Variants in KCTD20 observed in about 807,000 individuals in gnomAD.
KCTD20 encodes the protein potassium channel tetramerization domain containing 20.
In KCTD20, 30 loss-of-function variants were observed where a neutral mutation model predicts 39.6. That is an observed-to-expected ratio of 0.76 (90% CI 0.57 to 1.03). KCTD20 has a LOEUF of 1.03. Among genes scored for constraint, KCTD20 ranks in the 50% least tolerant of loss-of-function variants. The pLI is 0.00. For missense variants in KCTD20, 422 were observed against 522.0 expected (o/e 0.81, Z 1.87); for synonymous variants, 162 against 180.6 (o/e 0.90, Z 0.83).
chr6:36,471,032 T>C (rs1775895057), intron 2 of KCTD20, among the ~76,000 whole-genome samples: 1 of 151,904 alleles, frequency 6.6e-6, no homozygotes. Context: ...ATGCCTGTAA[T>C]CTCAGCTACT....
chr6:36,473,066 AT>A (rs147838259), intron 2 of KCTD20, among the ~76,000 whole-genome samples: 8,871 of 140,996 alleles, frequency 0.063, 329 homozygotes, highest in South Asian at 0.14. Context: ...CTTCTGGCTA[AT>A]TTTTTTTTTT....
chr6:36,473,602 C>A (rs1225276589), intron 2 of KCTD20, among the ~76,000 whole-genome samples: 2 of 151,634 alleles, frequency 1.3e-5, no homozygotes, highest in Non-Finnish European at 2.9e-5. Flanking sequence ...GAAACCTTGT[C>A]TCTACTAAAA....
intron 1 of KCTD20, among the ~76,000 whole-genome samples, chr6:36,449,051 A>G (rs1775147724): frequency 6.6e-6 from 1 of 152,180 alleles, no homozygotes; most frequent in African/African-American, 2.4e-5. Context: ...TGCAGACCCA[A>G]AGAATGAGCA....
chr6:36,466,118 G>A (rs1775746339), intron 1 of KCTD20, among the ~76,000 whole-genome samples: 1 of 151,074 alleles, frequency 6.6e-6, no homozygotes, highest in African/African-American at 2.4e-5. Context: ...TGTCACCCAG[G>A]CTGGGGTGCT....
At chr6:36,463,694 T>C (rs1242211351) in intron 1 of KCTD20, among the ~76,000 whole-genome samples, 3 of 152,194 alleles carry the variant, frequency 2.0e-5, no homozygotes, top group South Asian at 2.1e-4. Flanking sequence ...GCCATCATCT[T>C]TGAGGAACAG....
At chr6:36,484,679 A>C (rs1776362819) in intron 6 of KCTD20, 35 bp from the exon 7 acceptor site, 1 of 987,270 alleles carries the variant, frequency 1.0e-6, no homozygotes, top group Non-Finnish European at 1.6e-6. Context: ...TTAGGTCTTT[A>C]CTCCATGGCT....
chr6:36,480,931 G>C (rs1244183367), intron 5 of KCTD20, among the ~76,000 whole-genome samples: 1 of 152,204 alleles, frequency 6.6e-6, no homozygotes, highest in Non-Finnish European at 1.5e-5. Flanking sequence ...TGAAAGATGG[G>C]TGATAACCTC....
rs550520667 is a variant in KCTD20 at position 36,480,410 on chromosome 6, C to CTTTTTTTTTTT, written c.658+712_658+722dup. ...CAGGTTCTCCTGATCATGATATTGC[C>CTTTTTTTTTTT]TTTTTTTTTTTTTTTTTTTTTTTAA... On this transcript the variant is annotated intron_variant, in intron 5 of 7. Coordinates refer to ENST00000373731, the MANE Select transcript of KCTD20 (RefSeq NM_173562.5). Among the ~76,000 whole-genome samples the CTTTTTTTTTTT allele has an allele frequency of 2.5e-5, 3 of 121,770 alleles. No homozygotes were observed. In the Admixed American group the frequency reaches 2.5e-4, roughly 10 times the overall value. The allele number at this position is 121,770 out of a possible 152,430, so 79.9% of individuals were successfully genotyped here.
At chr6:36,462,912 A>G (rs1775642721) in intron 1 of KCTD20, among the ~76,000 whole-genome samples, 1 of 152,198 alleles carries the variant, frequency 6.6e-6, no homozygotes, top group Non-Finnish European at 1.5e-5. Flanking sequence ...AGCTTTGGCT[A>G]CAAGACAGAA....
chr6:36,456,858 C>T (rs993667508), intron 1 of KCTD20, among the ~76,000 whole-genome samples: 4 of 152,022 alleles, frequency 2.6e-5, no homozygotes, highest in African/African-American at 4.8e-5. Context: ...AAAGAGATGG[C>T]GGTCTTGGTG....
At chr6:36,473,735 T>C (rs751081275) in intron 2 of KCTD20, among the ~76,000 whole-genome samples, 1 of 151,746 alleles carries the variant, frequency 6.6e-6, no homozygotes, top group Non-Finnish European at 1.5e-5. Context: ...ATCGCGCCAC[T>C]GCACTCCAGC....
intron 1 of KCTD20, among the ~76,000 whole-genome samples, chr6:36,468,788 A>G (rs749910457): frequency 2.6e-5 from 4 of 152,240 alleles, no homozygotes; most frequent in Non-Finnish European, 4.4e-5. Flanking sequence ...TATTCCTTCA[A>G]TTTGCTTAAT....
Position 36,450,288 on chromosome 6 carries a change from G to A in KCTD20, c.-47+7177G>A, listed in dbSNP as rs149432053. Among the ~76,000 whole-genome samples the A allele has an allele frequency of 5.8e-3, 872 of 151,564 alleles. 8 individuals carry two copies. The highest frequency in any genetic ancestry group is 0.02 in the African/African-American group (827 of 41,286). On this transcript the variant is annotated intron_variant, in intron 1 of 7. Coordinates refer to ENST00000373731, the MANE Select transcript of KCTD20 (RefSeq NM_173562.5). ...GGATCATCTGAGGTCAGGAGTTTGAGACCAGCGTGGCCAACATGACGAAAC... is the reference window on the plus strand; with the variant it reads ...GGATCATCTGAGGTCAGGAGTTTGAAACCAGCGTGGCCAACATGACGAAAC...
In KCTD20 at chr6:36,487,021, G is replaced by A; in HGVS notation, c.1106G>A (p.Cys369Tyr). The change falls in exon 8 of 8, where the codon TGT becomes TAT. Residue 369 changes from cysteine (C) to tyrosine (Y), a missense_variant. Physicochemically the swap from Cys to Tyr is radical, Grantham distance 194. Transcript: ENST00000373731. Reference sequence around the variant, plus strand: ...AAGAGTCGCCATGTGGATTTCCAGTGTGTTCGAAGCAAATCCCTCACGAAT... The same window carrying A: ...AAGAGTCGCCATGTGGATTTCCAGTATGTTCGAAGCAAATCCCTCACGAAT... ...EGKSRHVDFQ[C>Y]VRSKSLTNLV... 6.2e-7 allele frequency: 1 copy of A among 1,614,238 alleles called. No homozygotes were observed. The highest frequency in any genetic ancestry group is 8.5e-7 in the Non-Finnish European group (1 of 1,180,048).
rs527388467 is a variant in KCTD20 at position 36,473,210 on chromosome 6, G to A, written c.161-1579G>A. 1.4e-4 allele frequency among the ~76,000 whole-genome samples: 22 copies of A among 151,892 alleles called. No individual in the cohort carries two copies. In the East Asian group the frequency reaches 2.9e-3, roughly 20 times the overall value. ...TGAGTAGCTGGGACTACAGGCACCC[G>A]CCACCACACTCAGCTAATTTTTTGT... On this transcript the variant is annotated intron_variant, in intron 2 of 7. Transcript: ENST00000373731.
chr6:36,455,866 A>G (rs751802546), intron 1 of KCTD20, among the ~76,000 whole-genome samples: 2 of 152,110 alleles, frequency 1.3e-5, no homozygotes, highest in Non-Finnish European at 2.9e-5. Flanking sequence ...AATCTTCCTT[A>G]CTTAAAGTAA....
chr6:36,460,154 A>AT (rs1775557036), intron 1 of KCTD20, among the ~76,000 whole-genome samples: 1 of 152,132 alleles, frequency 6.6e-6, no homozygotes, highest in Non-Finnish European at 1.5e-5. Flanking sequence ...TCTTTGACCT[A>AT]TTATGTGCCT....
At position 36,475,067 on chromosome 6, in the gene KCTD20, C is replaced by T; in HGVS notation, c.434+5C>T. ...TCCGGATACCATGCTGGGAAGGTAA[C>T]TGATGATAATTTTCTTCCAAATTCA... On this transcript the variant is annotated splice_donor_5th_base_variant and intron_variant, in intron 3 of 7. Coordinates refer to ENST00000373731, the MANE Select transcript of KCTD20 (RefSeq NM_173562.5). 6.2e-7 allele frequency: 1 copy of T among 1,608,080 alleles called. No individual in the cohort carries two copies. Among genetic ancestry groups the T allele is most frequent in the Non-Finnish European group, 8.5e-7 (1 of 1,177,318 alleles).
At chr6:36,486,416 T>A (rs1303692550) in intron 7 of KCTD20, among the ~76,000 whole-genome samples, 3 of 152,244 alleles carry the variant, frequency 2.0e-5, no homozygotes, top group Admixed American at 1.3e-4. Flanking sequence ...CCCATTTCCA[T>A]GTGACAGCCT....
Sources: allele counts gnomAD v4.1 joint callset (sites outside exome capture counted in the v4.1 genomes callset), GRCh38; gene constraint gnomAD v4.1.1; transcripts MANE v1.5; gene names NCBI Gene and HGNC (gene_info 2026-07-23, HGNC 2026-07-21).